LRBA: variants seen among roughly 807,000 people sequenced by gnomAD.
LRBA encodes LPS responsive beige-like anchor protein.
A neutral mutation model predicts 330.0 loss-of-function variants in LRBA; 176 were observed. The observed-to-expected ratio is 0.53, with a 90% CI of 0.47 to 0.60. The LOEUF (loss-of-function observed/expected upper bound fraction) is 0.60. Ranked by LOEUF, LRBA falls within the 20% of genes least tolerant of loss-of-function variation. The probability of loss-of-function intolerance (pLI) is 0.00; values close to 1 mark genes in which losing one functional copy is unlikely to be tolerated. For missense variants in LRBA, 3,259 were observed against 3,444.8 expected, an observed-to-expected ratio of 0.95 and a Z score of 1.35; for synonymous variants, 1,230 against 1,193.0, an observed-to-expected ratio of 1.03 and a Z score of -0.64.
At chr4:150,961,602 C>G (rs1283998596) in intron 2 of LRBA, among the ~76,000 whole-genome samples, 1 of 149,236 alleles carries the variant, frequency 6.7e-6, no homozygotes, top group Admixed American at 6.6e-5. Flanking sequence ...AGAAGAGAAG[C>G]AAGTAGACAA....
intron 46 of LRBA, chr4:150,423,068 T>A: frequency 2.5e-6 from 2 of 796,732 alleles, no homozygotes; most frequent in Non-Finnish European, 4.6e-6. Context: ...ATGTCACAGG[T>A]GGGTGTGACC....
intron 56 of LRBA, among the ~76,000 whole-genome samples, chr4:150,272,516 C>T (rs191430841): frequency 2.3e-4 from 35 of 151,908 alleles, no homozygotes; most frequent in Admixed American, 2.3e-3. Flanking sequence ...TAAACTCCTC[C>T]GAGCTAAAGG....
At chr4:150,474,108 C>T (rs1279677238) in intron 42 of LRBA, among the ~76,000 whole-genome samples, 1 of 152,114 alleles carries the variant, frequency 6.6e-6, no homozygotes, top group African/African-American at 2.4e-5. Flanking sequence ...TATAGTTTTA[C>T]TTCTCACATA....
intron 47 of LRBA, among the ~76,000 whole-genome samples, chr4:150,392,005 A>C (rs1049074521): frequency 2.0e-5 from 3 of 150,648 alleles, no homozygotes; most frequent in Admixed American, 2.0e-4. Context: ...AAAACTTTAC[A>C]AAATTTTTCT....
intron 40 of LRBA, among the ~76,000 whole-genome samples, chr4:150,539,226 G>T (rs1005655875): frequency 6.6e-6 from 1 of 152,182 alleles, no homozygotes; most frequent in Middle Eastern, 3.4e-3. Context: ...CGCCCGCTGC[G>T]GCCTCCCAAA....
chr4:150,408,041 G>T (rs1383767487), intron 47 of LRBA, among the ~76,000 whole-genome samples: 2 of 151,756 alleles, frequency 1.3e-5, no homozygotes, highest in Non-Finnish European at 2.9e-5. Flanking sequence ...AAGAAAGAAT[G>T]AATATTAGAG....
At chr4:150,359,655 T>C (rs1272807824) in intron 47 of LRBA, among the ~76,000 whole-genome samples, 1 of 152,098 alleles carries the variant, frequency 6.6e-6, no homozygotes, top group East Asian at 1.9e-4. Flanking sequence ...AGGCTGAGAA[T>C]TTTAGTGGAA....
chr4:150,599,056 A>C lies in LRBA; in HGVS notation c.5997T>G (p.Pro1999=). ...LRRRRRFVRN[P]LGSTHPEATL... is the part of the protein sequence containing the mutation. ...TCGCTTCAGGATGTGTCGATCCTAG[A>C]GGGTTACGCACAAATCGTCGCCGGC... The change falls in exon 38 of 57, where the codon CCT becomes CCG. Residue 1999 remains proline (P), a synonymous_variant. Transcript: ENST00000651943. 1 of 1,613,976 alleles carries C rather than the reference A, an allele frequency of 6.2e-7. No individual in the cohort carries two copies. The highest frequency in any genetic ancestry group is 1.1e-5 in the South Asian group (1 of 91,072).
intron 2 of LRBA, among the ~76,000 whole-genome samples, chr4:150,975,652 G>T (rs904336751): frequency 6.6e-6 from 1 of 151,828 alleles, no homozygotes; most frequent in African/African-American, 2.4e-5. Context: ...AATCTATTAA[G>T]AAATTATTTA....
Position 150,867,800 on chromosome 4 carries a change from C to T in LRBA, c.2637G>A (p.Lys879=), listed in dbSNP as rs138956153. 3,093 of 1,613,594 alleles carry T rather than the reference C, an allele frequency of 1.9e-3. 12 individuals are homozygous for T. Among genetic ancestry groups the T allele is most frequent in the Admixed American group, 3.6e-3 (213 of 59,964 alleles). ...WMLSLCYFNP[K]NSDEQKITEM... ...CTGTTATCTTTTGCTCATCTGAATT[C>T]TTAGGATTAAAATAGCAGAGAGAAA... The change falls in exon 22 of 57, where the codon AAG becomes AAA. Residue 879 remains lysine, a synonymous_variant. Transcript: ENST00000651943.
chr4:150,868,603 G>C (rs1753034619), intron 20 of LRBA, among the ~76,000 whole-genome samples: 1 of 152,134 alleles, frequency 6.6e-6, no homozygotes, highest in African/African-American at 2.4e-5. Flanking sequence ...CAGTGAAACT[G>C]CTTACTCTCT....
At chr4:150,579,373 AG>A in intron 40 of LRBA, 2 of 394,770 alleles carry the variant, frequency 5.1e-6, no homozygotes, top group Admixed American at 2.8e-5. Context: ...GGGGTGGGGG[AG>A]GGGGGAGAAA....
intron 28 of LRBA, among the ~76,000 whole-genome samples, chr4:150,834,812 T>C (rs533951871): frequency 1.3e-5 from 2 of 152,266 alleles, no homozygotes; most frequent in Admixed American, 6.5e-5. Flanking sequence ...TGGTATCTTC[T>C]TCCAATAAAA....
At chr4:150,287,988 C>T (rs1290168639) in intron 53 of LRBA, among the ~76,000 whole-genome samples, 1 of 147,178 alleles carries the variant, frequency 6.8e-6, no homozygotes, top group Non-Finnish European at 1.5e-5. Context: ...TTAGGATCCA[C>T]AAATTTTTTT....
intron 2 of LRBA, among the ~76,000 whole-genome samples, chr4:150,966,356 G>A (rs1224317378): frequency 6.6e-6 from 1 of 150,600 alleles, no homozygotes; most frequent in Non-Finnish European, 1.5e-5. Flanking sequence ...CACCCAGGCT[G>A]GAGTGCAGTG....
At chr4:150,414,019 C>T (rs923378334) in intron 47 of LRBA, among the ~76,000 whole-genome samples, 2 of 152,126 alleles carry the variant, frequency 1.3e-5, no homozygotes, top group Non-Finnish European at 2.9e-5. Context: ...AAGTAAAATG[C>T]AACATGTTCC....
chr4:150,445,168 A>C (rs1035244541), intron 44 of LRBA, among the ~76,000 whole-genome samples: 1 of 152,002 alleles, frequency 6.6e-6, no homozygotes, highest in African/African-American at 2.4e-5. Flanking sequence ...AAATAAATCT[A>C]TATGCTTTTA....
intron 46 of LRBA, among the ~76,000 whole-genome samples, chr4:150,430,348 T>G (rs1464202208): frequency 6.6e-6 from 1 of 152,116 alleles, no homozygotes; most frequent in East Asian, 1.9e-4. Context: ...CTTCTTTGCT[T>G]CAAACTCTCC....
At chr4:150,953,751 G>T (rs1737138402) in intron 2 of LRBA, among the ~76,000 whole-genome samples, 1 of 151,964 alleles carries the variant, frequency 6.6e-6, no homozygotes, top group African/African-American at 2.4e-5. Flanking sequence ...GCCTCCCAAA[G>T]TGCCAAGATT....
Sources: gnomAD v4.1 joint callset for allele counts (sites outside exome capture counted in the v4.1 genomes callset) on GRCh38, gnomAD v4.1.1 for gene constraint, MANE v1.5 for transcripts, NCBI Gene and HGNC (gene_info 2026-07-23, HGNC 2026-07-21) for gene names.